The following SRGAP3 variants were observed in gnomAD, a reference collection of about 807,000 sequenced individuals.
SRGAP3 encodes SLIT-ROBO Rho GTPase activating protein 3.
In SRGAP3, 39 loss-of-function variants were observed where a neutral mutation model predicts 121.1. The observed-to-expected ratio is 0.32, with a 90% CI of 0.25 to 0.42. The LOEUF (loss-of-function observed/expected upper bound fraction) is 0.42. Ranked by LOEUF, SRGAP3 falls within the 10% of genes least tolerant of loss-of-function variation. SRGAP3 has a pLI of 1.00. For missense variants in SRGAP3, 1,213 were observed against 1,470.6 expected, an observed-to-expected ratio of 0.82 and a Z score of 2.86; for synonymous variants, 601 against 570.0, an observed-to-expected ratio of 1.05 and a Z score of -0.77.
intron 5 of SRGAP3, among the ~76,000 whole-genome samples, chr3:9,062,325 G>T: frequency 6.6e-6 from 1 of 152,116 alleles, no homozygotes; most frequent in Middle Eastern, 3.4e-3. Flanking sequence ...ACTAAAAATC[G>T]GCCTCTGGAC....
chr3:9,171,548 C>T (rs1950975847), intron 1 of SRGAP3, among the ~76,000 whole-genome samples: 1 of 152,174 alleles, frequency 6.6e-6, no homozygotes, highest in Non-Finnish European at 1.5e-5. Flanking sequence ...CATGGTTCTA[C>T]ATGACTTGGA....
chr3:9,189,437 G>A (rs1015359761), intron 1 of SRGAP3, among the ~76,000 whole-genome samples: 3 of 152,282 alleles, frequency 2.0e-5, no homozygotes, highest in African/African-American at 4.8e-5. Context: ...GTATGGGAAG[G>A]GGATGAAGTA....
At chr3:9,354,681 CAAAAAAAAAA>C (rs34026081) in intron 1 of SRGAP3, among the ~76,000 whole-genome samples, 6,795 of 70,850 alleles carry the variant, frequency 0.096, 449 homozygotes, top group East Asian at 0.48. Context: ...GACTCCATCT[CAAAAAAAAAA>C]AAAAAAAAAA....
At chr3:9,257,008 C>T in intron 3 of SRGAP3, 1 of 396,344 alleles carries the variant, frequency 2.5e-6, no homozygotes. Context: ...CCAGTAAGTG[C>T]CACATAAGCA....
chr3:9,313,678 TAA>T (rs200875584), intron 3 of SRGAP3, among the ~76,000 whole-genome samples: 1 of 138,396 alleles, frequency 7.2e-6, no homozygotes. Flanking sequence ...CTCTATGTCT[TAA>T]AAAAAAAAAG....
At chr3:9,027,035 AACC>A in intron 12 of SRGAP3, 40 bp from the exon 13 acceptor site, 1 of 1,587,956 alleles carries the variant, frequency 6.3e-7, no homozygotes, top group Non-Finnish European at 8.6e-7. Context: ...GGGGCTTGAC[AACC>A]ACCACAGGAA....
chr3:8,981,797 T>C lies in SRGAP3; in HGVS notation c.*3722A>G. 4.4e-6 allele frequency: 1 copy of C among 229,376 alleles called. No homozygotes were observed. The highest frequency in any genetic ancestry group is 8.7e-6 in the Non-Finnish European group (1 of 115,450). The allele number at this position is 229,376 out of a possible 1,614,324, so 14.2% of individuals were successfully genotyped here. ...GTCTCTTCCCACTCCGATTTCTTCATTGAATAGAAACCTTTCATCCCTTGG... is the reference window on the plus strand; with the variant it reads ...GTCTCTTCCCACTCCGATTTCTTCACTGAATAGAAACCTTTCATCCCTTGG... On this transcript the variant is annotated 3_prime_UTR_variant, in exon 22 of 22. Transcript: ENST00000383836.
At chr3:9,020,292 T>C (rs1943851370) in intron 14 of SRGAP3, among the ~76,000 whole-genome samples, 1 of 152,146 alleles carries the variant, frequency 6.6e-6, no homozygotes, top group Non-Finnish European at 1.5e-5. Context: ...CTTCCTTTCA[T>C]CCTTTACAGT....
At chr3:9,264,218 T>A (rs1361326838) in intron 3 of SRGAP3, among the ~76,000 whole-genome samples, 2 of 152,118 alleles carry the variant, frequency 1.3e-5, no homozygotes, top group East Asian at 3.8e-4. Flanking sequence ...ATGGACCATA[T>A]CTCAAAATAA....
At chr3:9,171,267 C>T (rs1950966636) in intron 1 of SRGAP3, among the ~76,000 whole-genome samples, 1 of 152,240 alleles carries the variant, frequency 6.6e-6, no homozygotes, top group Admixed American at 6.5e-5. Flanking sequence ...TCGAAACATC[C>T]AATCTGCTCC....
At chr3:9,065,412 C>T (rs1045482206) in intron 4 of SRGAP3, 1 of 152,200 alleles carries the variant, frequency 6.6e-6, no homozygotes, top group Non-Finnish European at 1.5e-5. Flanking sequence ...AGATGCCAGA[C>T]TTTACATCCA....
chr3:9,103,938 T>C (rs1027390738), intron 3 of SRGAP3, among the ~76,000 whole-genome samples: 1 of 152,178 alleles, frequency 6.6e-6, no homozygotes, highest in Non-Finnish European at 1.5e-5. Context: ...AAAATGAGCA[T>C]ACTTTCGACT....
At chr3:9,134,855 G>A (rs1949586395) in intron 1 of SRGAP3, among the ~76,000 whole-genome samples, 1 of 152,184 alleles carries the variant, frequency 6.6e-6, no homozygotes, top group South Asian at 2.1e-4. Context: ...ATAGCACAAT[G>A]TAGCGGGCTC....
intron 4 of SRGAP3, among the ~76,000 whole-genome samples, chr3:9,069,265 C>T (rs957850368): frequency 3.3e-5 from 5 of 152,148 alleles, no homozygotes; most frequent in African/African-American, 1.2e-4. Context: ...GAGGTGTGTC[C>T]TCTCCGTGTC....
intron 3 of SRGAP3, among the ~76,000 whole-genome samples, chr3:9,316,443 T>A (rs896678811): frequency 1.3e-5 from 2 of 150,864 alleles, no homozygotes; most frequent in African/African-American, 2.4e-5. Context: ...TGGATCCCAA[T>A]GTCAGGAGAT....
chr3:9,139,196 C>CT (rs1949766413), intron 1 of SRGAP3, among the ~76,000 whole-genome samples: 1 of 152,176 alleles, frequency 6.6e-6, no homozygotes, highest in Non-Finnish European at 1.5e-5. Context: ...CCTCACAAAT[C>CT]TTTTTAAATG....
chr3:9,081,595 T>C (rs1442916685), intron 3 of SRGAP3, among the ~76,000 whole-genome samples: 1 of 152,242 alleles, frequency 6.6e-6, no homozygotes, highest in Non-Finnish European at 1.5e-5. Context: ...ACAAGTTTTC[T>C]TAATGCAGGA....
At chr3:9,358,311 T>A (rs1301421561) in intron 1 of SRGAP3, among the ~76,000 whole-genome samples, 1 of 152,146 alleles carries the variant, frequency 6.6e-6, no homozygotes, top group Non-Finnish European at 1.5e-5. Context: ...TTTGAATATT[T>A]CATATGAATA....
chr3:9,071,891 T>A (rs1007245454), intron 4 of SRGAP3, among the ~76,000 whole-genome samples: 1 of 152,074 alleles, frequency 6.6e-6, no homozygotes, highest in Non-Finnish European at 1.5e-5. Context: ...TAGAAGACAG[T>A]TGGGGTCTCT....
Sources: gnomAD v4.1 joint callset for allele counts (sites outside exome capture counted in the v4.1 genomes callset) on GRCh38, gnomAD v4.1.1 for gene constraint, MANE v1.5 for transcripts, NCBI Gene and HGNC (gene_info 2026-07-23, HGNC 2026-07-21) for gene names.